EHMT1: variants seen among roughly 807,000 people sequenced by gnomAD.
EHMT1 encodes the protein euchromatic histone lysine methyltransferase 1, also known as histone-lysine N-methyltransferase EHMT1.
EHMT1 carries 15 observed loss-of-function variants against 147.2 expected under a neutral mutation model. That is an observed-to-expected ratio of 0.10 (90% CI 0.07 to 0.16). The LOEUF (loss-of-function observed/expected upper bound fraction) is 0.16, where lower values mean the gene tolerates loss of function less well. Among genes scored for constraint, EHMT1 ranks in the 10% least tolerant of loss-of-function variants. EHMT1 has a pLI of 1.00. For synonymous variants in EHMT1, 795 were observed against 709.6 expected, an observed-to-expected ratio of 1.12 and a Z score of -1.91; for missense variants, 1,587 against 1,772.4, an observed-to-expected ratio of 0.90 and a Z score of 1.88.
intron 6 of EHMT1, chr9:137,745,947 A>C (rs1402257388): frequency 5.7e-6 from 1 of 174,172 alleles, no homozygotes. Flanking sequence ...GCCAGCCACC[A>C]GTGTTTGTTC....
chr9:137,738,663 C>T (rs987217706), intron 4 of EHMT1: 21 of 152,126 alleles, frequency 1.4e-4, no homozygotes, highest in Non-Finnish European at 2.6e-4. Context: ...GTCGGGCGAA[C>T]GGATCAGCAA....
At chr9:137,757,508 A>T (rs1402793558) in intron 8 of EHMT1, among the ~76,000 whole-genome samples, 1 of 152,224 alleles carries the variant, frequency 6.6e-6, no homozygotes, top group Non-Finnish European at 1.5e-5. Context: ...TGTTTTATTT[A>T]AAAATAATCT....
chr9:137,655,080 C>A (rs922252119), intron 1 of EHMT1, among the ~76,000 whole-genome samples: 1 of 151,882 alleles, frequency 6.6e-6, no homozygotes, highest in African/African-American at 2.4e-5. Context: ...CTCACTGCAA[C>A]CTCCTCCTCT....
intron 25 of EHMT1, among the ~76,000 whole-genome samples, chr9:137,829,309 C>T (rs915129502): frequency 1.3e-5 from 2 of 152,220 alleles, no homozygotes; most frequent in Non-Finnish European, 2.9e-5. Context: ...TTTGCAATTC[C>T]TTTTTGACCA....
At chr9:137,619,176 G>T (rs1842787619) in intron 1 of EHMT1, 127 bp downstream of exon 1, 1 of 140,822 alleles carries the variant, frequency 7.1e-6, no homozygotes, top group African/African-American at 2.6e-5. Context: ...GGGTCCCCCC[G>T]CCGCCGCCGC....
chr9:137,781,689 C>T (rs1200292648), intron 14 of EHMT1, among the ~76,000 whole-genome samples: 1 of 152,204 alleles, frequency 6.6e-6, no homozygotes, highest in African/African-American at 2.4e-5. Flanking sequence ...ATTTCTCTGA[C>T]GTTCATCGTC....
chr9:137,702,145 G>C (rs1943893008), intron 1 of EHMT1, among the ~76,000 whole-genome samples: 1 of 152,014 alleles, frequency 6.6e-6, no homozygotes, highest in Non-Finnish European at 1.5e-5. Context: ...GGTCAGGCTG[G>C]TCTCAAACTC....
Position 137,685,834 on chromosome 9 carries a change from C to T in EHMT1, c.22-25133C>T, listed in dbSNP as rs544526117. ...GCAATGCATAATGAATGATGTTGGC[C>T]ATCTTTTCATGTATTTATTGGCTGT... On this transcript the variant is annotated intron_variant, in intron 1 of 26. Transcript: ENST00000460843. Among the ~76,000 whole-genome samples, 18 of 152,312 alleles carry T rather than the reference C, an allele frequency of 1.2e-4. No homozygotes were observed. The East Asian group carries it at 3.3e-3, about 28-fold the overall frequency.
chr9:137,640,780 A>G (rs1844426910), intron 1 of EHMT1, among the ~76,000 whole-genome samples: 1 of 152,210 alleles, frequency 6.6e-6, no homozygotes, highest in Non-Finnish European at 1.5e-5. Context: ...TTGAGATAGG[A>G]AGGGATAAAA....
chr9:137,776,497 A>C lies in EHMT1; in HGVS notation c.1792-121A>C, dbSNP rs1950971029. 2.1e-6 allele frequency: 2 copies of C among 949,778 alleles called. No individual in the cohort carries two copies. The highest frequency in any genetic ancestry group is 3.3e-5 in the African/African-American group (2 of 61,282). 58.8% of individuals were successfully genotyped at this position (949,778 alleles called of 1,614,324 possible). The stretch of plus-strand genomic sequence containing the variant: ...GGGGCCAAGACTGGACCCCACCCCG[A>C]CCCATGGCTCACTCTGCAGACCGCC... On this transcript the variant is annotated intron_variant, in intron 11 of 26. Transcript: ENST00000460843. This position sits in a 1 kb window ranked among gnomAD's most constrained non-coding sequence, Gnocchi z 4.4.
At chr9:137,700,270 C>T (rs1943726738) in intron 1 of EHMT1, among the ~76,000 whole-genome samples, 1 of 152,176 alleles carries the variant, frequency 6.6e-6, no homozygotes, top group African/African-American at 2.4e-5. Context: ...TAGTGCCCAC[C>T]TCCCCGGGAG....
intron 16 of EHMT1, among the ~76,000 whole-genome samples, chr9:137,794,412 C>G (rs1310559544): frequency 6.6e-6 from 1 of 152,122 alleles, no homozygotes. Flanking sequence ...CTTTGGGAGG[C>G]TGAGGCAGAA....
intron 16 of EHMT1, among the ~76,000 whole-genome samples, chr9:137,796,532 G>A (rs1239151226): frequency 6.6e-6 from 1 of 151,666 alleles, no homozygotes; most frequent in Non-Finnish European, 1.5e-5. Flanking sequence ...GTGAAACCCC[G>A]TCTCTACTAA....
intron 25 of EHMT1, among the ~76,000 whole-genome samples, chr9:137,830,027 T>C (rs570826751): frequency 2.2e-4 from 34 of 152,330 alleles, no homozygotes; most frequent in African/African-American, 7.5e-4. Flanking sequence ...AGGGAGGAAG[T>C]AGCAGCAAAG....
At chr9:137,759,541 C>G (rs1949644443) in intron 9 of EHMT1, among the ~76,000 whole-genome samples, 1 of 152,204 alleles carries the variant, frequency 6.6e-6, no homozygotes, top group Admixed American at 6.5e-5. Flanking sequence ...TGCCGAGCAT[C>G]AGGGCCAAAG....
intron 1 of EHMT1, among the ~76,000 whole-genome samples, chr9:137,620,958 C>T (rs960235520): frequency 2.0e-5 from 3 of 152,144 alleles, no homozygotes; most frequent in African/African-American, 7.2e-5. Flanking sequence ...TAATTTGAGC[C>T]TAGCAGCAAC....
chr9:137,792,219 A>G (rs1012321365), intron 16 of EHMT1: 3 of 402,496 alleles, frequency 7.5e-6, no homozygotes, highest in African/African-American at 2.1e-5. Flanking sequence ...AGACAGAAAT[A>G]GAGACCAATG....
rs539740590 is a variant in EHMT1 at position 137,803,249 on chromosome 9, C to T, written c.2712+2265C>T. ...ACTTTATTGCTGTATAATAGGTAGGCTGCATATATTCAAAGTACACACTTG... is the reference window on the plus strand; with the variant it reads ...ACTTTATTGCTGTATAATAGGTAGGTTGCATATATTCAAAGTACACACTTG... On this transcript the variant is annotated intron_variant, in intron 18 of 26. Transcript: ENST00000460843. 1,593 of 1,075,602 alleles carry T rather than the reference C, an allele frequency of 1.5e-3. 4 individuals are homozygous for T. Among genetic ancestry groups the T allele is most frequent in the Non-Finnish European group, 1.7e-3 (1,480 of 889,218 alleles). 66.6% of individuals were successfully genotyped at this position (1,075,602 alleles called of 1,614,324 possible). A position where few individuals can be genotyped will look rare whatever the true frequency, so the allele number is the denominator to read the frequency against.
intron 1 of EHMT1, chr9:137,641,016 T>C: frequency 4.5e-6 from 1 of 222,334 alleles, no homozygotes; most frequent in South Asian, 6.5e-5. Context: ...ATCTTCTCCT[T>C]ATCCCGTTCC....
Sources: gnomAD v4.1 joint callset for allele counts (sites outside exome capture counted in the v4.1 genomes callset) on GRCh38, gnomAD v4.1.1 for gene constraint, Gnocchi (gnomAD v3.1) non-coding constraint, MANE v1.5 for transcripts, NCBI Gene and HGNC (gene_info 2026-07-23, HGNC 2026-07-21) for gene names.